Variants in SCAF11 observed in about 807,000 individuals in gnomAD.
The protein encoded by SCAF11 is protein SCAF11.
Under a neutral mutation model 140.5 loss-of-function variants are expected in SCAF11, and 47 were observed. That is an observed-to-expected ratio of 0.33 (90% confidence interval 0.26 to 0.43). SCAF11 has a LOEUF of 0.43. Ranked by LOEUF, SCAF11 falls within the 20% of genes least tolerant of loss-of-function variation. The pLI is 1.00. For missense variants in SCAF11, 1,645 were observed against 1,705.1 expected, an observed-to-expected ratio of 0.96 and a Z score of 0.62; for synonymous variants, 557 against 579.4, an observed-to-expected ratio of 0.96 and a Z score of 0.55.
intron 6 of SCAF11, among the ~76,000 whole-genome samples, chr12:45,939,016 A>G (rs766996638): frequency 6.7e-5 from 10 of 149,270 alleles, no homozygotes; most frequent in Non-Finnish European, 1.3e-4. Context: ...GAAGAAAGAA[A>G]GTGATATTTC....
At chr12:45,981,928 G>T (rs1265856570) in intron 1 of SCAF11, among the ~76,000 whole-genome samples, 1 of 152,146 alleles carries the variant, frequency 6.6e-6, no homozygotes, top group Non-Finnish European at 1.5e-5. Context: ...TGAATTATAT[G>T]CCTGTCTACA....
intron 1 of SCAF11, among the ~76,000 whole-genome samples, chr12:45,969,110 G>A (rs938255095): frequency 2.6e-5 from 4 of 152,260 alleles, no homozygotes; most frequent in African/African-American, 9.6e-5. Flanking sequence ...ATGTGCTACT[G>A]TACAGCTATT....
chr12:45,973,588 G>GA (rs1255679266), intron 1 of SCAF11, among the ~76,000 whole-genome samples: 1 of 152,040 alleles, frequency 6.6e-6, no homozygotes, highest in East Asian at 1.9e-4. Flanking sequence ...AAAGCACCCA[G>GA]AAAAAACAAT....
At chr12:45,964,492 C>T (rs887631913) in intron 1 of SCAF11, among the ~76,000 whole-genome samples, 1 of 151,982 alleles carries the variant, frequency 6.6e-6, no homozygotes. Context: ...ACGGTGAAAC[C>T]CTGTCTCTAC....
intron 1 of SCAF11, chr12:45,975,235 A>G (rs1055460273): frequency 6.6e-6 from 1 of 152,210 alleles, no homozygotes; most frequent in African/African-American, 2.4e-5. Context: ...GTCAGTGAGC[A>G]CTGGTTTATA....
At chr12:45,983,717 A>G (rs1465371658) in intron 1 of SCAF11, among the ~76,000 whole-genome samples, 2 of 147,240 alleles carry the variant, frequency 1.4e-5, no homozygotes, top group African/African-American at 5.0e-5. Flanking sequence ...GTTCAAAACC[A>G]GGTCTGACTG....
In SCAF11 at chr12:45,983,990, G is replaced by A. The variant is rs145545437; in HGVS notation, c.-22+6363C>T. ...AACACTTTTAATTTTCACTAAAAGT[G>A]TTGGTATAATAATCTTTTACAAAAA... On this transcript the variant is annotated intron_variant, in intron 1 of 14. Coordinates refer to ENST00000369367, the MANE Select transcript of SCAF11 (RefSeq NM_004719.3). 4.8e-3 allele frequency among the ~76,000 whole-genome samples: 724 copies of A among 152,306 alleles called. 15 individuals carry two copies. Among genetic ancestry groups the A allele is most frequent in the Admixed American group, 0.037 (564 of 15,288 alleles).
At chr12:45,944,992 AAGAAATTGTGAAACACTCTTTTCT>A (rs1945386179) in intron 6 of SCAF11, 3 of 445,598 alleles carry the variant, frequency 6.7e-6, no homozygotes, top group Non-Finnish European at 1.2e-5. Context: ...GGTCAACACC[AAGAAATTGTGAAACACTCTTTTCT>A]CCCAACACAC....
At chr12:45,946,863 G>T (rs1945434560) in intron 5 of SCAF11, among the ~76,000 whole-genome samples, 1 of 152,072 alleles carries the variant, frequency 6.6e-6, no homozygotes, top group Admixed American at 6.6e-5. Context: ...GGGGCTCATG[G>T]GTAGGCTCTT....
Position 45,924,861 on chromosome 12 carries a change from TGGA to T in SCAF11, c.3770_3772del (p.Leu1257del). 6.2e-7 allele frequency: 1 copy of T among 1,614,104 alleles called. No homozygotes were observed. Among genetic ancestry groups the T allele is most frequent in the South Asian group, 1.1e-5 (1 of 91,074 alleles). On this transcript the variant is annotated inframe_deletion, in exon 12 of 15. Transcript: ENST00000369367. ...TACCTGCATGAGGGGCACTCCTGTGTGGAGATGCAAGGGTAGCTGAGGATGAAT... is the reference window on the plus strand; with the variant it reads ...TACCTGCATGAGGGGCACTCCTGTGTGATGCAAGGGTAGCTGAGGATGAAT...
intron 3 of SCAF11, among the ~76,000 whole-genome samples, chr12:45,957,081 T>A (rs1024910618): frequency 4.6e-5 from 7 of 152,194 alleles, no homozygotes; most frequent in Admixed American, 6.5e-5. Context: ...TGCATAGGCG[T>A]AATAAATTTA....
Position 45,928,619 on chromosome 12 carries a change from G to A in SCAF11, c.1082C>T (p.Ser361Leu). 6.2e-7 allele frequency: 1 copy of A among 1,614,058 alleles called. No homozygotes were observed. The highest frequency in any genetic ancestry group is 8.5e-7 in the Non-Finnish European group (1 of 1,179,986). Residue 361 changes from serine to leucine, a missense_variant, in exon 11 of 15, where the codon TCA becomes TTA. Ser to Leu is a moderately radical substitution (Grantham distance 145). Around this residue, in one of 2 missense-constraint regions of SCAF11, gnomAD observed 1,582 missense variants for 1,609.2 expected, o/e 0.98. Transcript: ENST00000369367. ...TCTTGTTTGCTTTTCTGACTCAGCT[G>A]AAGAGGGAACACTTAAAGATGGATT... Reference protein sequence around the residue: ...NSNPSLSVPSSAESEKQTRQA... With the variant: ...NSNPSLSVPSLAESEKQTRQA...
intron 1 of SCAF11, among the ~76,000 whole-genome samples, chr12:45,980,434 A>G (rs1946323627): frequency 1.3e-5 from 2 of 152,158 alleles, no homozygotes; most frequent in Admixed American, 1.3e-4. Context: ...CCCTCTCTCT[A>G]CATATATTAA....
In SCAF11 at chr12:45,927,649, C is replaced by G. The variant is rs1944918511; in HGVS notation, c.2052G>C (p.Lys684Asn). 6.2e-7 allele frequency: 1 copy of G among 1,612,018 alleles called. No individual in the cohort carries two copies. The highest frequency in any genetic ancestry group is 1.1e-5 in the South Asian group (1 of 91,064). Residue 684 changes from lysine (K) to asparagine (N), a missense_variant, in exon 11 of 15, where the codon AAG becomes AAC. Transcript: ENST00000369367. Reference protein sequence around the residue: ...NTKLEKSLEEKNESLTEHPRS... With the variant: ...NTKLEKSLEENNESLTEHPRS... The stretch of plus-strand genomic sequence containing the variant: ...TAGGATGTTCGGTCAGCGATTCATT[C>G]TTTTCTTCTAAAGATTTTTCCAATT...
chr12:45,970,097 T>C (rs1190135766), intron 1 of SCAF11, among the ~76,000 whole-genome samples: 1 of 152,220 alleles, frequency 6.6e-6, no homozygotes, highest in Admixed American at 6.5e-5. Context: ...GGTTTCACCA[T>C]CTTGGCCAGG....
At chr12:45,972,209 A>G (rs1398374756) in intron 1 of SCAF11, among the ~76,000 whole-genome samples, 2 of 152,204 alleles carry the variant, frequency 1.3e-5, no homozygotes, top group East Asian at 1.9e-4. Context: ...ACAGAACTGA[A>G]GTTAAAAAAC....
chr12:45,991,633 G>C (rs1592237743), upstream of SCAF11, among the ~76,000 whole-genome samples: 1 of 152,192 alleles, frequency 6.6e-6, no homozygotes, highest in African/African-American at 2.4e-5. Context: ...TGACGTGTGT[G>C]CCATCCTCCA....
At chr12:45,930,724 A>T (rs1945023439) in intron 10 of SCAF11, among the ~76,000 whole-genome samples, 1 of 152,104 alleles carries the variant, frequency 6.6e-6, no homozygotes, top group Admixed American at 6.5e-5. Flanking sequence ...TTGAGTGTGT[A>T]TATGTTTTGA....
intron 3 of SCAF11, among the ~76,000 whole-genome samples, chr12:45,953,338 TAA>T (rs1945595087): frequency 6.6e-6 from 1 of 152,220 alleles, no homozygotes; most frequent in African/African-American, 2.4e-5. Flanking sequence ...TGAAATTTCT[TAA>T]GAGATTATAT....
Sources: allele counts gnomAD v4.1 joint callset (sites outside exome capture counted in the v4.1 genomes callset), GRCh38; gene constraint gnomAD v4.1.1; regional missense constraint gnomAD v4.1.1; transcripts MANE v1.5; gene names NCBI Gene and HGNC (gene_info 2026-07-23, HGNC 2026-07-21).